CDC42BPA: variants seen among roughly 807,000 people sequenced by gnomAD.
CDC42BPA encodes serine/threonine-protein kinase MRCK alpha.
CDC42BPA carries 80 observed loss-of-function variants against 223.5 expected under a neutral mutation model. That is an observed-to-expected ratio of 0.36 (90% confidence interval 0.30 to 0.43). The LOEUF is 0.43. Ranked by LOEUF, CDC42BPA falls within the 20% of genes least tolerant of loss-of-function variation. The pLI, the probability that CDC42BPA is intolerant of heterozygous loss-of-function variation, is 1.00. For synonymous variants in CDC42BPA, 694 were observed against 718.6 expected, an observed-to-expected ratio of 0.97 and a Z score of 0.55; for missense variants, 1,743 against 2,099.9, an observed-to-expected ratio of 0.83 and a Z score of 3.32.
chr1:227,074,326 G>C lies in CDC42BPA; in HGVS notation c.2519C>G (p.Ala840Gly). The C allele has an allele frequency of 6.2e-7, 1 of 1,613,564 alleles. No individual in the cohort carries two copies. Among genetic ancestry groups the C allele is most frequent in the Admixed American group, 1.7e-5 (1 of 59,978 alleles). ...DEKDARGYLQALASKMTEELE... is the reference protein window; with the variant it reads ...DEKDARGYLQGLASKMTEELE... Reference sequence around the variant, plus strand: ...TTCTTCAGTCATTTTAGAAGCTAAGGCCTGAAGATACCCTCGTGCATCCTT... The same window carrying C: ...TTCTTCAGTCATTTTAGAAGCTAAGCCCTGAAGATACCCTCGTGCATCCTT... Residue 840 changes from alanine (A) to glycine (G), a missense_variant, in exon 18 of 37, where the codon GCC becomes GGC. Coordinates refer to ENST00000366766, the MANE Select transcript of CDC42BPA (RefSeq NM_001394014.1).
chr1:227,091,448 TCCCTTG>T (rs909465208), intron 16 of CDC42BPA, among the ~76,000 whole-genome samples: 2 of 152,150 alleles, frequency 1.3e-5, no homozygotes, highest in African/African-American at 4.8e-5. Flanking sequence ...TCTTGCTCCC[TCCCTTG>T]CCCTTGCACC....
intron 14 of CDC42BPA, among the ~76,000 whole-genome samples, chr1:227,111,143 T>C (rs1321287912): frequency 6.6e-6 from 1 of 152,132 alleles, no homozygotes; most frequent in Non-Finnish European, 1.5e-5. Context: ...GTATGTAGAT[T>C]TTAAGGAGTA....
At chr1:227,137,122 G>C (rs1356655317) in intron 10 of CDC42BPA, among the ~76,000 whole-genome samples, 1 of 152,026 alleles carries the variant, frequency 6.6e-6, no homozygotes, top group South Asian at 2.1e-4. Flanking sequence ...TTGTCTAAAG[G>C]TTTCTACGTT....
intron 1 of CDC42BPA, among the ~76,000 whole-genome samples, chr1:227,291,378 G>A (rs1045170799): frequency 7.9e-5 from 12 of 151,964 alleles, no homozygotes; most frequent in Non-Finnish European, 1.6e-4. Flanking sequence ...GTGAAACCCC[G>A]TCTCTACTAA....
At chr1:227,087,623 T>C (rs527678399) in intron 16 of CDC42BPA, among the ~76,000 whole-genome samples, 1 of 152,286 alleles carries the variant, frequency 6.6e-6, no homozygotes, top group African/African-American at 2.4e-5. Context: ...TGGGGAGAAT[T>C]GCTATCCCAA....
intron 1 of CDC42BPA, among the ~76,000 whole-genome samples, chr1:227,289,024 A>T (rs4434814): frequency 0.15 from 22,785 of 152,056 alleles, 2,072 homozygotes; most frequent in African/African-American, 0.24. Context: ...AATTCAAAAT[A>T]AAAAAATTAA....
Position 227,016,180 on chromosome 1 carries a change from G to C in CDC42BPA, c.4757C>G (p.Pro1586Arg). The C allele has an allele frequency of 6.4e-7, 1 of 1,567,120 alleles. No individual in the cohort carries two copies. ...MQQRREMLRD[P>R]EMRNKLISNP... ...AGAAATTAATTTATTTCTCATTTCT[G>C]GATCTCGTAGCATTTCCCTGTAAGA... The change falls in exon 34 of 37, where the codon CCA becomes CGA. Residue 1586 changes from proline (P) to arginine (R), a missense_variant. Pro to Arg is a moderately radical substitution (Grantham distance 103). Transcript: ENST00000366766.
chr1:227,004,725 C>T (rs1663635452), intron 35 of CDC42BPA: 1 of 506,536 alleles, frequency 2.0e-6, no homozygotes, highest in Admixed American at 3.2e-5. Flanking sequence ...ATGCTGTTTA[C>T]TTCCTTCAGA....
chr1:227,050,005 A>G (rs368195157), intron 22 of CDC42BPA, among the ~76,000 whole-genome samples: 1 of 152,176 alleles, frequency 6.6e-6, no homozygotes, highest in East Asian at 1.9e-4. Context: ...AAAGACTGAT[A>G]AATCTGACTA....
intron 1 of CDC42BPA, among the ~76,000 whole-genome samples, chr1:227,256,612 C>G (rs928814257): frequency 1.3e-5 from 2 of 151,990 alleles, no homozygotes; most frequent in South Asian, 2.1e-4. Flanking sequence ...TCTACAATAG[C>G]TGAATTTTTT....
At chr1:227,253,937 T>C (rs1387343081) in intron 2 of CDC42BPA, 127 bp downstream of exon 2, 1 of 695,540 alleles carries the variant, frequency 1.4e-6, no homozygotes, top group Non-Finnish European at 2.5e-6. Context: ...ATCAATCACA[T>C]CAATCACAAC....
At chr1:227,202,204 G>C (rs547062384) in intron 3 of CDC42BPA, among the ~76,000 whole-genome samples, 1 of 152,156 alleles carries the variant, frequency 6.6e-6, no homozygotes, top group African/African-American at 2.4e-5. Context: ...GGATGGTCTC[G>C]ATCTCCTGAC....
At chr1:227,119,226 A>G (rs1413768993) in intron 12 of CDC42BPA, among the ~76,000 whole-genome samples, 12 of 152,190 alleles carry the variant, frequency 7.9e-5, no homozygotes, top group Non-Finnish European at 1.5e-4. Flanking sequence ...TGTTTTCTCT[A>G]GTGCTTGAAT....
intron 5 of CDC42BPA, among the ~76,000 whole-genome samples, chr1:227,188,124 AT>A (rs1480223241): frequency 6.6e-6 from 1 of 152,154 alleles, no homozygotes; most frequent in Non-Finnish European, 1.5e-5. Flanking sequence ...TTTACCTTTT[AT>A]TTTTAATTAG....
At chr1:227,097,364 CCTT>C (rs906300953) in intron 15 of CDC42BPA, among the ~76,000 whole-genome samples, 5 of 152,118 alleles carry the variant, frequency 3.3e-5, no homozygotes, top group African/African-American at 1.2e-4. Flanking sequence ...ATTATTTAGT[CCTT>C]ATCTCATTTG....
chr1:227,160,296 G>T (rs1663641409), intron 6 of CDC42BPA, among the ~76,000 whole-genome samples: 1 of 152,156 alleles, frequency 6.6e-6, no homozygotes, highest in South Asian at 2.1e-4. Context: ...GCAAACAAGG[G>T]TCTCATAAAG....
At chr1:227,103,898 G>T (rs1049008454) in intron 14 of CDC42BPA, among the ~76,000 whole-genome samples, 2 of 151,986 alleles carry the variant, frequency 1.3e-5, no homozygotes, top group African/African-American at 4.8e-5. Flanking sequence ...CTGAGAGAAG[G>T]ACAAGCCAAG....
chr1:227,223,450 T>C (rs552998342), intron 2 of CDC42BPA, among the ~76,000 whole-genome samples: 2 of 152,336 alleles, frequency 1.3e-5, no homozygotes, highest in East Asian at 3.9e-4. Flanking sequence ...GCAGATAGTT[T>C]TAGCTAGATC....
intron 14 of CDC42BPA, among the ~76,000 whole-genome samples, chr1:227,110,152 T>C (rs995298272): frequency 1.1e-4 from 16 of 152,170 alleles, no homozygotes; most frequent in Non-Finnish European, 1.9e-4. Flanking sequence ...CTTATTGATC[T>C]TGTGTGCATA....
Sources: gnomAD v4.1 joint callset for allele counts (sites outside exome capture counted in the v4.1 genomes callset) on GRCh38, gnomAD v4.1.1 for gene constraint, MANE v1.5 for transcripts, NCBI Gene and HGNC (gene_info 2026-07-23, HGNC 2026-07-21) for gene names.